Variants in WDR20 observed in about 807,000 individuals in gnomAD.
WDR20 encodes the protein WD repeat domain 20.
A neutral mutation model predicts 38.7 loss-of-function variants in WDR20; 3 were observed. The ratio of observed to expected loss-of-function variants is 0.08; its 90% CI spans 0.04 to 0.20. The LOEUF (loss-of-function observed/expected upper bound fraction) is 0.20, where lower values mean the gene tolerates loss of function less well. WDR20 is among the 10% of genes least tolerant of loss of function. The pLI is 1.00. For missense variants in WDR20, 559 were observed against 727.7 expected (o/e 0.77, Z 2.67); for synonymous variants, 298 against 285.6 (o/e 1.04, Z -0.44).
In WDR20 at chr14:102,207,209, G is replaced by T. The variant is rs1482910551; in HGVS notation, c.433-1394G>T. Among the ~76,000 whole-genome samples the T allele has an allele frequency of 6.6e-6, 1 of 152,220 alleles. No homozygotes were observed. The highest frequency in any genetic ancestry group is 1.5e-5 in the Non-Finnish European group (1 of 68,028). On this transcript the variant is annotated intron_variant, in intron 2 of 2. Transcript: ENST00000342702. This position sits in a 1 kb window ranked among gnomAD's most constrained non-coding sequence, Gnocchi z 5.0. ...ATGCATGGTCCCCAGCCCTGGGCCCGCATGCTGTGTGGCGTTCAGGCCTCC... is the reference window on the plus strand; with the variant it reads ...ATGCATGGTCCCCAGCCCTGGGCCCTCATGCTGTGTGGCGTTCAGGCCTCC...
At chr14:102,183,128 C>T (rs756458872) in intron 1 of WDR20, among the ~76,000 whole-genome samples, 28 of 152,050 alleles carry the variant, frequency 1.8e-4, no homozygotes, top group Non-Finnish European at 3.5e-4. Context: ...GGATATTCGA[C>T]ATATATGACA....
intron 2 of WDR20, among the ~76,000 whole-genome samples, chr14:102,200,805 A>C (rs760946987): frequency 2.6e-5 from 4 of 152,198 alleles, no homozygotes; most frequent in Non-Finnish European, 5.9e-5. Context: ...GCTGAGGCAG[A>C]CACACTGGGT....
intron 1 of WDR20, among the ~76,000 whole-genome samples, chr14:102,172,059 C>T (rs1215481108): frequency 4.6e-5 from 7 of 151,396 alleles, no homozygotes; most frequent in South Asian, 4.2e-4. Context: ...TGAGGCCTTC[C>T]GCAGTGTTTG....
At chr14:102,182,688 T>C (rs899631192) in intron 1 of WDR20, among the ~76,000 whole-genome samples, 2 of 151,770 alleles carry the variant, frequency 1.3e-5, no homozygotes, top group Non-Finnish European at 2.9e-5. Flanking sequence ...TTTTGGTTAT[T>C]TTTTTCTATT....
chr14:102,198,101 ATTTAT>A (rs1207893239), intron 2 of WDR20: 2 of 4,500 alleles, frequency 4.4e-4, no homozygotes, highest in African/African-American at 7.0e-3. Flanking sequence ...GGTCTACTTT[ATTTAT>A]TTATTTATTT....
chr14:102,175,944 C>T (rs1156336777), intron 1 of WDR20, among the ~76,000 whole-genome samples: 1 of 152,018 alleles, frequency 6.6e-6, no homozygotes. Flanking sequence ...GATCTAGGAG[C>T]TTTTGGGATG....
intron 1 of WDR20, among the ~76,000 whole-genome samples, chr14:102,187,412 G>A (rs907011660): frequency 6.6e-6 from 1 of 152,064 alleles, no homozygotes. Flanking sequence ...CATAGGCTGG[G>A]GGGGGGCTCA....
At chr14:102,198,121 A>G (rs1003777285) in intron 2 of WDR20, 17 of 147,294 alleles carry the variant, frequency 1.2e-4, no homozygotes, top group Admixed American at 9.1e-4. Flanking sequence ...TTATTTATTT[A>G]TTTATTTATT....
upstream of WDR20, chr14:102,139,690 G>A (rs1488573596): frequency 2.7e-5 from 18 of 677,046 alleles, no homozygotes; most frequent in Non-Finnish European, 3.4e-5. Flanking sequence ...CACACCCGGG[G>A]GAGGAGCCTG....
At position 102,171,987 on chromosome 14, in the gene WDR20, G is replaced by T. The variant is rs532220209; in HGVS notation, c.250-22951G>T. Among the ~76,000 whole-genome samples, 95 of 150,914 alleles carry T rather than the reference G, an allele frequency of 6.3e-4. 3 individuals are homozygous for T. Among genetic ancestry groups the T allele is most frequent in the Middle Eastern group, 3.4e-3 (1 of 292 alleles). The stretch of plus-strand genomic sequence containing the variant: ...GAGGGATTTGGCAGGGTCATATGTG[G>T]AGGGAAGGTCAGCAGATAAACAAGT... On this transcript the variant is annotated intron_variant, in intron 1 of 2. Coordinates refer to ENST00000342702, the MANE Select transcript of WDR20 (RefSeq NM_144574.4).
intron 2 of WDR20, among the ~76,000 whole-genome samples, chr14:102,199,729 G>C (rs2059989744): frequency 6.6e-6 from 1 of 152,152 alleles, no homozygotes; most frequent in Non-Finnish European, 1.5e-5. Context: ...GAGTGAAATG[G>C]AATTATAAAT....
At chr14:102,215,653 CTT>C (rs779863112), downstream of WDR20, among the ~76,000 whole-genome samples, 2 of 152,100 alleles carry the variant, frequency 1.3e-5, no homozygotes, top group Non-Finnish European at 2.9e-5. Context: ...AGTAGGAGCT[CTT>C]TTCCTGGCTA....
At chr14:102,163,610 A>G (rs2059193135) in intron 1 of WDR20, among the ~76,000 whole-genome samples, 1 of 142,940 alleles carries the variant, frequency 7.0e-6, no homozygotes, top group Non-Finnish European at 1.5e-5. Flanking sequence ...CCTGGGTGAC[A>G]GAGCAAGACT....
chr14:102,174,609 C>T (rs1473150406), intron 1 of WDR20, among the ~76,000 whole-genome samples: 24 of 151,836 alleles, frequency 1.6e-4, no homozygotes. Flanking sequence ...TTAGTAGAGA[C>T]GGGGTTTCAC....
At chr14:102,159,265 A>G (rs1230375890) in intron 1 of WDR20, among the ~76,000 whole-genome samples, 1 of 152,098 alleles carries the variant, frequency 6.6e-6, no homozygotes, top group Non-Finnish European at 1.5e-5. Flanking sequence ...TCTATGGGTC[A>G]TGTGCCTCCA....
At chr14:102,191,609 A>AT (rs911012364) in intron 1 of WDR20, among the ~76,000 whole-genome samples, 3 of 152,082 alleles carry the variant, frequency 2.0e-5, no homozygotes, top group Non-Finnish European at 2.9e-5. Flanking sequence ...GAGTCCATAG[A>AT]TTTTTCAGAA....
intron 1 of WDR20, among the ~76,000 whole-genome samples, chr14:102,156,632 C>T (rs1416149211): frequency 6.6e-6 from 1 of 152,040 alleles, no homozygotes; most frequent in Non-Finnish European, 1.5e-5. Context: ...CTCTGGCCTC[C>T]CAGAGTCCTG....
chr14:102,182,975 A>AT (rs138261302), intron 1 of WDR20, among the ~76,000 whole-genome samples: 6,518 of 152,126 alleles, frequency 0.043, 171 homozygotes, highest in Non-Finnish European at 0.061. Flanking sequence ...GAGGCAGGGT[A>AT]ATCACATGAA....
intron 2 of WDR20, chr14:102,197,625 A>T (rs543721891): frequency 1.7e-6 from 1 of 596,968 alleles, no homozygotes; most frequent in African/African-American, 1.8e-5. Context: ...GGAAAGATAA[A>T]TTGGAACCAG....
Sources: gnomAD v4.1 joint callset for allele counts (sites outside exome capture counted in the v4.1 genomes callset) on GRCh38, gnomAD v4.1.1 for gene constraint, Gnocchi (gnomAD v3.1) non-coding constraint, MANE v1.5 for transcripts, NCBI Gene and HGNC (gene_info 2026-07-23, HGNC 2026-07-21) for gene names.